The following EEF1AKMT2 variants were observed in gnomAD, a reference collection of about 807,000 sequenced individuals.
EEF1AKMT2 encodes eukaryotic translation elongation factor 1 alpha lysine methyltransferase 2.
In EEF1AKMT2, 32 loss-of-function variants were observed where a neutral mutation model predicts 35.8. The observed-to-expected ratio is 0.89, with a 90% CI of 0.67 to 1.20. The LOEUF (loss-of-function observed/expected upper bound fraction) is 1.20, where lower values mean the gene tolerates loss of function less well. Among genes scored for constraint, EEF1AKMT2 ranks in the 50% most tolerant of loss-of-function variants. EEF1AKMT2 has a pLI of 0.00. For synonymous variants in EEF1AKMT2, 121 were observed against 133.7 expected (o/e 0.91, Z 0.65); for missense variants, 330 against 347.5 (o/e 0.95, Z 0.40).
chr10:124,774,000 A>T (rs759384551), intron 4 of EEF1AKMT2, among the ~76,000 whole-genome samples: 16 of 152,202 alleles, frequency 1.1e-4, no homozygotes, highest in Non-Finnish European at 1.9e-4. Context: ...AGGAATCATC[A>T]TCTCACAGAT....
intron 3 of EEF1AKMT2, among the ~76,000 whole-genome samples, chr10:124,775,940 C>CAA (rs1950483674): frequency 6.7e-6 from 1 of 148,292 alleles, no homozygotes; most frequent in Non-Finnish European, 1.5e-5. Flanking sequence ...TTTTTTGAGA[C>CAA]AGAGTCTCGC....
rs570828469 is a variant in EEF1AKMT2 at position 124,774,818 on chromosome 10, T to G, written c.292-36A>C. 1,114 of 1,000,736 alleles carry G rather than the reference T, an allele frequency of 1.1e-3. 31 individuals carry two copies. In the South Asian group the frequency reaches 0.023, roughly 21 times the overall value. 62.0% of individuals were successfully genotyped at this position (1,000,736 alleles called of 1,614,324 possible). A position where few individuals can be genotyped will look rare whatever the true frequency, so the allele number is the denominator to read the frequency against. ...ATAATTTTATACTTTAGTATAAAAT[T>G]TTAATATAATGTTTTGTTTATGAAT... On this transcript the variant is annotated intron_variant, in intron 3 of 6. Coordinates refer to ENST00000368836, the MANE Select transcript of EEF1AKMT2 (RefSeq NM_212554.4).
At chr10:124,767,039 T>C (rs900709584) in intron 4 of EEF1AKMT2, among the ~76,000 whole-genome samples, 2 of 150,372 alleles carry the variant, frequency 1.3e-5, no homozygotes, top group Admixed American at 6.7e-5. Flanking sequence ...TGGGCGCCTG[T>C]AGTCCCAGCT....
chr10:124,785,510 T>C (rs1219901304), intron 3 of EEF1AKMT2, among the ~76,000 whole-genome samples: 3 of 152,158 alleles, frequency 2.0e-5, no homozygotes, highest in African/African-American at 7.2e-5. Context: ...GAAGAACTTA[T>C]ATCCAGAATA....
intron 4 of EEF1AKMT2, among the ~76,000 whole-genome samples, chr10:124,773,525 G>A (rs573323126): frequency 8.5e-5 from 13 of 152,266 alleles, no homozygotes; most frequent in South Asian, 6.2e-4. Flanking sequence ...TAGCCACTGC[G>A]CCTGTCCCAC....
chr10:124,765,634 G>A, intron 4 of EEF1AKMT2, 26 bp from the exon 5 acceptor site: 1 of 1,564,596 alleles, frequency 6.4e-7, no homozygotes, highest in Non-Finnish European at 8.7e-7. Flanking sequence ...ATGTCTATGT[G>A]AGAACAATTA....
intron 4 of EEF1AKMT2, among the ~76,000 whole-genome samples, chr10:124,772,459 C>T (rs1380176879): frequency 3.4e-5 from 4 of 116,120 alleles, no homozygotes; most frequent in African/African-American, 1.3e-4. Flanking sequence ...GATGGAGTCT[C>T]GCTCTGTTGC....
At position 124,790,324 on chromosome 10, in the gene EEF1AKMT2, T is replaced by C. The variant is rs766429010; in HGVS notation, c.125A>G (p.Tyr42Cys). The C allele has an allele frequency of 5.6e-6, 9 of 1,611,152 alleles. No individual in the cohort carries two copies. Among genetic ancestry groups the C allele is most frequent in the African/African-American group, 5.3e-5 (4 of 74,868 alleles). Residue 42 changes from tyrosine to cysteine, a missense_variant, in exon 2 of 7, where the codon TAT becomes TGT. Physicochemically the swap from Tyr to Cys is radical, Grantham distance 194 (BLOSUM62 -2). Transcript: ENST00000368836. Reference protein sequence around the residue: ...LGTREHWDAVYERELQTFREY... With the variant: ...LGTREHWDAVCERELQTFREY... ...TCGGAAAGTTTGCAGTTCTCTCTCATAGACAGCATCCCAACTATGTAAACA... is the reference window on the plus strand; with the variant it reads ...TCGGAAAGTTTGCAGTTCTCTCTCACAGACAGCATCCCAACTATGTAAACA...
At chr10:124,773,740 T>A (rs571200450) in intron 4 of EEF1AKMT2, among the ~76,000 whole-genome samples, 1 of 152,156 alleles carries the variant, frequency 6.6e-6, no homozygotes, top group Non-Finnish European at 1.5e-5. Flanking sequence ...TCAATGATCA[T>A]GAATCACCAT....
At position 124,759,296 on chromosome 10, in the gene EEF1AKMT2, T is replaced by A. The variant is rs1444745974; in HGVS notation, c.*1207A>T. 2 of 152,220 alleles carry A rather than the reference T, an allele frequency of 1.3e-5. No individual in the cohort carries two copies. The highest frequency in any genetic ancestry group is 2.9e-5 in the Non-Finnish European group (2 of 68,038). The allele number at this position is 152,220 out of a possible 1,614,324, so 9.4% of individuals were successfully genotyped here. ...GTGCATGTATCGCTGAGGGCTTATA[T>A]AACTTACACTACCCTTTCACAGAAG... On this transcript the variant is annotated 3_prime_UTR_variant, in exon 7 of 7. Coordinates refer to ENST00000368836, the MANE Select transcript of EEF1AKMT2 (RefSeq NM_212554.4).
intron 3 of EEF1AKMT2, among the ~76,000 whole-genome samples, chr10:124,786,898 A>T (rs1950589381): frequency 6.6e-6 from 1 of 152,220 alleles, no homozygotes; most frequent in African/African-American, 2.4e-5. Context: ...GTAAACTATT[A>T]AAACCCAAAA....
chr10:124,786,984 G>A (rs1452486793), intron 3 of EEF1AKMT2, among the ~76,000 whole-genome samples: 5 of 148,858 alleles, frequency 3.4e-5, no homozygotes, highest in Admixed American at 3.3e-4. Context: ...TTTTTGAGAC[G>A]GAGTCTCACT....
intron 5 of EEF1AKMT2, 56 bp downstream of exon 5, chr10:124,765,336 T>C (rs1950369279): frequency 1.2e-5 from 17 of 1,427,810 alleles, no homozygotes; most frequent in Non-Finnish European, 1.6e-5. Context: ...AGAAAACCTA[T>C]TTAAGTACAT....
intron 4 of EEF1AKMT2, among the ~76,000 whole-genome samples, chr10:124,773,024 A>C (rs1248442915): frequency 6.6e-6 from 1 of 152,146 alleles, no homozygotes; most frequent in Non-Finnish European, 1.5e-5. Context: ...ACTTGACTAA[A>C]TTTTGTCACA....
chr10:124,774,174 T>C (rs1950464903), intron 4 of EEF1AKMT2, among the ~76,000 whole-genome samples: 1 of 151,984 alleles, frequency 6.6e-6, no homozygotes, highest in Non-Finnish European at 1.5e-5. Context: ...GAGACCGTCC[T>C]GGCTAACACG....
At chr10:124,772,619 A>G (rs1290095211) in intron 4 of EEF1AKMT2, among the ~76,000 whole-genome samples, 1 of 151,774 alleles carries the variant, frequency 6.6e-6, no homozygotes, top group Non-Finnish European at 1.5e-5. Context: ...TAGTAGAGAC[A>G]GTTTCAGCAT....
At chr10:124,765,669 G>A (rs1228797553) in intron 4 of EEF1AKMT2, 61 bp from the exon 5 acceptor site, 2 of 1,250,248 alleles carry the variant, frequency 1.6e-6, no homozygotes, top group Non-Finnish European at 2.3e-6. Flanking sequence ...CAGAATGTAA[G>A]TGACAACCTG....
intron 3 of EEF1AKMT2, among the ~76,000 whole-genome samples, chr10:124,786,868 T>C (rs2134143777): frequency 6.6e-6 from 1 of 151,928 alleles, no homozygotes; most frequent in African/African-American, 2.4e-5. Flanking sequence ...TCTCAAAGTA[T>C]AAATCATTAG....
At chr10:124,789,860 T>G (rs1950618933) in intron 2 of EEF1AKMT2, among the ~76,000 whole-genome samples, 1 of 151,848 alleles carries the variant, frequency 6.6e-6, no homozygotes, top group Middle Eastern at 3.4e-3. Flanking sequence ...TCCCAGGATT[T>G]TTAGGCTTTC....
Sources: gnomAD v4.1 joint callset for allele counts (sites outside exome capture counted in the v4.1 genomes callset) on GRCh38, gnomAD v4.1.1 for gene constraint, MANE v1.5 for transcripts, NCBI Gene and HGNC (gene_info 2026-07-23, HGNC 2026-07-21) for gene names.